The following PTPRD variants were observed in gnomAD, a reference collection of about 807,000 sequenced individuals.
The protein encoded by PTPRD is receptor-type tyrosine-protein phosphatase delta.
In PTPRD, 34 loss-of-function variants were observed where a neutral mutation model predicts 214.5. The ratio of observed to expected loss-of-function variants is 0.16; its 90% CI spans 0.12 to 0.21. The LOEUF (loss-of-function observed/expected upper bound fraction) is 0.21, where lower values mean the gene tolerates loss of function less well. Among genes scored for constraint, PTPRD ranks in the 10% least tolerant of loss-of-function variants. The pLI, the probability that PTPRD is intolerant of heterozygous loss-of-function variation, is 1.00. For synonymous variants in PTPRD, 1,128 were observed against 845.7 expected (o/e 1.33, Z -5.79); for missense variants, 2,545 against 2,398.7 (o/e 1.06, Z -1.27).
At chr9:9,165,199 C>G (rs2099900438) in intron 10 of PTPRD, among the ~76,000 whole-genome samples, 1 of 152,034 alleles carries the variant, frequency 6.6e-6, no homozygotes, top group Admixed American at 6.6e-5. Flanking sequence ...TTCTTTGAAT[C>G]CATAGTCTAA....
chr9:9,906,746 A>G (rs1345750822), intron 5 of PTPRD, among the ~76,000 whole-genome samples: 1 of 151,954 alleles, frequency 6.6e-6, no homozygotes, highest in African/African-American at 2.4e-5. Flanking sequence ...ATTGAAACCC[A>G]CTTTTCAAAA....
chr9:10,553,802 T>C (rs943503386), intron 2 of PTPRD, among the ~76,000 whole-genome samples: 14 of 152,328 alleles, frequency 9.2e-5, no homozygotes, highest in African/African-American at 3.4e-4. Flanking sequence ...ATCTTCCAGT[T>C]ACACAAATTA....
intron 7 of PTPRD, among the ~76,000 whole-genome samples, chr9:9,603,769 AG>A (rs2093951368): frequency 6.6e-6 from 1 of 152,134 alleles, no homozygotes; most frequent in African/African-American, 2.4e-5. Flanking sequence ...GGTGGCCAAA[AG>A]TTTGGGGATC....
At chr9:8,961,059 A>C (rs569825580) in intron 11 of PTPRD, among the ~76,000 whole-genome samples, 1 of 152,124 alleles carries the variant, frequency 6.6e-6, no homozygotes, top group Non-Finnish European at 1.5e-5. Flanking sequence ...TATAATAAGT[A>C]GTTTATAATA....
At chr9:9,064,793 T>A (rs555605645) in intron 10 of PTPRD, among the ~76,000 whole-genome samples, 422 of 152,288 alleles carry the variant, frequency 2.8e-3, no homozygotes, top group African/African-American at 9.6e-3. Context: ...AACTAGAGAT[T>A]TGTGTTCAGA....
chr9:9,040,958 C>T (rs2099637794), intron 10 of PTPRD, among the ~76,000 whole-genome samples: 1 of 152,116 alleles, frequency 6.6e-6, no homozygotes, highest in African/African-American at 2.4e-5. Context: ...GACTTGTGCA[C>T]TGCCCTGAGC....
chr9:10,134,980 G>T (rs1366155951), intron 3 of PTPRD, among the ~76,000 whole-genome samples: 1 of 151,962 alleles, frequency 6.6e-6, no homozygotes, highest in African/African-American at 2.4e-5. Context: ...AACGAATCCA[G>T]GAAAACGGTC....
intron 2 of PTPRD, among the ~76,000 whole-genome samples, chr9:10,446,353 G>C (rs957343135): frequency 4.0e-5 from 6 of 149,510 alleles, no homozygotes; most frequent in African/African-American, 1.5e-4. Flanking sequence ...AGGAAGAGAT[G>C]AATATAAGAA....
intron 39 of PTPRD, among the ~76,000 whole-genome samples, chr9:8,359,302 G>T (rs2077855835): frequency 6.6e-6 from 1 of 151,410 alleles, no homozygotes; most frequent in Non-Finnish European, 1.5e-5. Flanking sequence ...AACTCAAGGG[G>T]TGGGGTCAAG....
intron 8 of PTPRD, among the ~76,000 whole-genome samples, chr9:9,481,491 T>G (rs1183568932): frequency 2.0e-5 from 3 of 152,342 alleles, no homozygotes; most frequent in East Asian, 1.9e-4. Flanking sequence ...GACTAGTGTC[T>G]AGTGCCCATA....
At chr9:10,372,884 C>G (rs1014055980) in intron 2 of PTPRD, among the ~76,000 whole-genome samples, 7 of 149,784 alleles carry the variant, frequency 4.7e-5, no homozygotes, top group Non-Finnish European at 8.9e-5. Flanking sequence ...TAGTCTTGCT[C>G]TATCACCCAG....
chr9:10,049,648 A>C (rs2097489483), intron 3 of PTPRD, among the ~76,000 whole-genome samples: 1 of 152,190 alleles, frequency 6.6e-6, no homozygotes, highest in African/African-American at 2.4e-5. Context: ...GTTTTCCAAC[A>C]GTAATGCTCT....
At chr9:10,388,534 C>T (rs1330717164) in intron 2 of PTPRD, among the ~76,000 whole-genome samples, 2 of 147,814 alleles carry the variant, frequency 1.4e-5, no homozygotes, top group African/African-American at 5.0e-5. Context: ...ATCAGTACAA[C>T]TAATAAACAC....
At chr9:8,874,671 C>T (rs75933889) in intron 11 of PTPRD, among the ~76,000 whole-genome samples, 3,617 of 152,238 alleles carry the variant, frequency 0.024, 174 homozygotes, top group African/African-American at 0.082. Context: ...AACATAATCC[C>T]TAATTCTGTT....
chr9:9,303,009 G>T (rs1955985786), intron 9 of PTPRD, among the ~76,000 whole-genome samples: 1 of 151,764 alleles, frequency 6.6e-6, no homozygotes, highest in African/African-American at 2.4e-5. Context: ...CTACTATACT[G>T]CTTGTCAGTA....
intron 3 of PTPRD, among the ~76,000 whole-genome samples, chr9:10,278,908 G>A (rs867664578): frequency 2.6e-5 from 4 of 152,042 alleles, no homozygotes; most frequent in Non-Finnish European, 5.9e-5. Context: ...CCGAGTAGCT[G>A]GGACTACAGG....
chr9:9,258,422 T>C (rs2099978687), intron 9 of PTPRD, among the ~76,000 whole-genome samples: 1 of 148,740 alleles, frequency 6.7e-6, no homozygotes, highest in Non-Finnish European at 1.5e-5. Flanking sequence ...ATTGCACGCT[T>C]CTATTAAATA....
chr9:9,893,912 A>T (rs888355199), intron 5 of PTPRD, among the ~76,000 whole-genome samples: 1 of 152,024 alleles, frequency 6.6e-6, no homozygotes, highest in Non-Finnish European at 1.5e-5. Context: ...CCTTAAACTC[A>T]AACAATCCTC....
At chr9:9,569,932 G>A (rs2085831021) in intron 8 of PTPRD, among the ~76,000 whole-genome samples, 1 of 151,402 alleles carries the variant, frequency 6.6e-6, no homozygotes, top group South Asian at 2.1e-4. Context: ...ATTTAGGTGA[G>A]GCATTTTGTA....
Sources: gnomAD v4.1 joint callset for allele counts (sites outside exome capture counted in the v4.1 genomes callset) on GRCh38, gnomAD v4.1.1 for gene constraint, MANE v1.5 for transcripts, NCBI Gene and HGNC (gene_info 2026-07-23, HGNC 2026-07-21) for gene names.